Variants in FAT2 observed in about 807,000 individuals in gnomAD.
The protein encoded by FAT2 is protocadherin Fat 2.
Under a neutral mutation model 295.3 loss-of-function variants are expected in FAT2, and 150 were observed. That is an observed-to-expected ratio of 0.51 (90% confidence interval 0.44 to 0.58). The LOEUF (loss-of-function observed/expected upper bound fraction) is 0.58, where lower values mean the gene tolerates loss of function less well. Among genes scored for constraint, FAT2 ranks in the 20% least tolerant of loss-of-function variants. FAT2 has a pLI of 0.00. For synonymous variants in FAT2, 2,026 were observed against 2,150.3 expected (o/e 0.94, Z 1.60); for missense variants, 4,868 against 5,442.7 (o/e 0.89, Z 3.32).
In FAT2 at chr5:151,531,453, A is replaced by C; in HGVS notation, c.9811+134T>G. 8.1e-7 allele frequency: 1 copy of C among 1,228,284 alleles called. No homozygotes were observed. Among genetic ancestry groups the C allele is most frequent in the Non-Finnish European group, 1.1e-6 (1 of 889,978 alleles). 76.1% of individuals were successfully genotyped at this position (1,228,284 alleles called of 1,614,324 possible). ...CCTGGTACTCGGAGAGAAGCAGAAG[A>C]GAATGGAGAAACGACCAGAGGAGGT... On this transcript the variant is annotated intron_variant, in intron 14 of 23. Transcript: ENST00000261800. This position sits in a 1 kb window ranked among gnomAD's most constrained non-coding sequence, Gnocchi z 5.7.
chr5:151,561,607 T>C (rs28736662), intron 3 of FAT2, among the ~76,000 whole-genome samples: 6,850 of 152,212 alleles, frequency 0.045, 363 homozygotes, highest in African/African-American at 0.13. Context: ...CCCAAGCAGC[T>C]CTTAAACTCC....
chr5:151,534,340 G>A (rs1317924396), intron 13 of FAT2, 69 bp downstream of exon 13: 3 of 1,288,612 alleles, frequency 2.3e-6, no homozygotes, highest in Non-Finnish European at 3.2e-6. Flanking sequence ...AGACACAAAG[G>A]GGACCAAACC....
At chr5:151,551,399 G>T in intron 7 of FAT2, 68 bp downstream of exon 7, 2 of 1,559,274 alleles carry the variant, frequency 1.3e-6, no homozygotes, top group South Asian at 1.2e-5. Context: ...AACCTCTGTA[G>T]CCTCATCCCA....
intron 12 of FAT2, among the ~76,000 whole-genome samples, chr5:151,536,629 T>A (rs974137562): frequency 2.0e-5 from 3 of 152,198 alleles, no homozygotes; most frequent in African/African-American, 4.8e-5. Context: ...CCTGCAGGAA[T>A]CTCTGCTTCC....
chr5:151,566,416 A>C lies in FAT2; in HGVS notation c.2516T>G (p.Ile839Ser). ...AGCATCTTTGGTTGTCAGCTCTGCA[A>C]TTGTGGTTCCAACTTCTGTGTCCTC... The part of the protein sequence containing the change: ...ISEDTEVGTT[I>S]AELTTKDADS... Residue 839 changes from isoleucine to serine, a missense_variant, in exon 2 of 24, where the codon ATT (isoleucine) becomes AGT (serine). By Grantham distance (142) the Ile-to-Ser change is moderately radical. Around this residue, in one of 5 missense-constraint regions of FAT2, gnomAD observed 3,297 missense variants for 3,669.4 expected, o/e 0.90. Coordinates refer to ENST00000261800, the MANE Select transcript of FAT2 (RefSeq NM_001447.3). 6.2e-7 allele frequency: 1 copy of C among 1,613,690 alleles called. No homozygotes were observed. The highest frequency in any genetic ancestry group is 2.2e-5 in the East Asian group (1 of 44,870).
At position 151,567,453 on chromosome 5, in the gene FAT2, G is replaced by A. The variant is rs761761516; in HGVS notation, c.1479C>T (p.Val493=). 1.9e-5 allele frequency: 30 copies of A among 1,614,014 alleles called. No homozygotes were observed. Among genetic ancestry groups the A allele is most frequent in the Non-Finnish European group, 2.5e-5 (30 of 1,180,006 alleles). Residue 493 remains valine (V), a synonymous_variant, in exon 2 of 24, where the codon GTC becomes GTT. Coordinates refer to ENST00000261800, the MANE Select transcript of FAT2 (RefSeq NM_001447.3). Reference sequence around the variant, plus strand: ...CTTTTGGTCCAGCAATGGAATAGGTGACATATCCATTTTCCCCATGATCCC... The same window carrying A: ...CTTTTGGTCCAGCAATGGAATAGGTAACATATCCATTTTCCCCATGATCCC... ...TDRDHGENGY[V]TYSIAGPKAL...
In FAT2 at chr5:151,525,839, G is replaced by A. The variant is rs2127584190; in HGVS notation, c.10435C>T (p.Pro3479Ser). 2 of 1,613,974 alleles carry A rather than the reference G, an allele frequency of 1.2e-6. No individual in the cohort carries two copies. Among genetic ancestry groups the A allele is most frequent in the South Asian group, 2.2e-5 (2 of 91,074 alleles). The change falls in exon 18 of 24, where the codon CCG (proline) becomes TCG (serine). Residue 3479 changes from proline to serine, a missense_variant. Around this residue, in one of 5 missense-constraint regions of FAT2, gnomAD observed 1,046 missense variants for 1,210.1 expected, o/e 0.86. Coordinates refer to ENST00000261800, the MANE Select transcript of FAT2 (RefSeq NM_001447.3). ...TCAGCAGTCACCAGCCATCCATCCG[G>A]GGTCACTCGGAAGGCAGAGCCGTTG... ...GNNGSAFRVTPDGWLVTAEGL... is the reference protein window; with the variant it reads ...GNNGSAFRVTSDGWLVTAEGL...
rs566059090 is a variant in FAT2, at chr5:151,575,521, G to A, written c.-20-6570C>T. ...ACTCACCTCCTGGAGTTGTTGAGAA[G>A]GCTGAATGAGGTAAAGTACGGCAAA... On this transcript the variant is annotated intron_variant, in intron 1 of 23. Coordinates refer to ENST00000261800, the MANE Select transcript of FAT2 (RefSeq NM_001447.3). Among the ~76,000 whole-genome samples the A allele has an allele frequency of 4.6e-5, 7 of 152,322 alleles. No homozygotes were observed. The South Asian group carries it at 8.3e-4, about 18-fold the overall frequency.
chr5:151,506,130 T>TC, intron 23 of FAT2, 33 bp from the exon 24 acceptor site: 4 of 1,483,012 alleles, frequency 2.7e-6, no homozygotes, highest in South Asian at 2.8e-5. Context: ...GGTGAGCTCA[T>TC]TTTCTCCCCG....
chr5:151,519,808 C>G lies in FAT2; in HGVS notation c.11317+1468G>C, dbSNP rs192710560. Among the ~76,000 whole-genome samples, 314 of 152,158 alleles carry G rather than the reference C, an allele frequency of 2.1e-3. 1 individual carries two copies. The highest frequency in any genetic ancestry group is 6.8e-3 in the Middle Eastern group (2 of 294). On this transcript the variant is annotated intron_variant, in intron 19 of 23. Coordinates refer to ENST00000261800, the MANE Select transcript of FAT2 (RefSeq NM_001447.3). ...TGATTCTGGTGATCCATGAGTTTAT[C>G]TAGTATTTCTTCAATGCAAGCCCTT...
rs1422620066 is a variant in FAT2, at chr5:151,532,093, T to TG, written c.9428-124dup. 4.6e-6 allele frequency: 6 copies of TG among 1,313,250 alleles called. No homozygotes were observed. The Admixed American group carries it at 1.3e-4, about 29-fold the overall frequency. The allele number at this position is 1,313,250 out of a possible 1,614,324, so 81.3% of individuals were successfully genotyped here. A position where few individuals can be genotyped will look rare whatever the true frequency, so the allele number is the denominator to read the frequency against. On this transcript the variant is annotated intron_variant, in intron 13 of 23. Coordinates refer to ENST00000261800, the MANE Select transcript of FAT2 (RefSeq NM_001447.3). Reference sequence around the variant, plus strand: ...TCCCATGAAGGCGGACAAGCTGGCTTGGGTATATGAAGAGTGAGGGTCTCT... The same window carrying TG: ...TCCCATGAAGGCGGACAAGCTGGCTTGGGGTATATGAAGAGTGAGGGTCTCT...
rs765163298 is a variant in FAT2 at position 151,522,010 on chromosome 5, G to A, written c.10583C>T (p.Ala3528Val). 2 of 1,614,058 alleles carry A rather than the reference G, an allele frequency of 1.2e-6. No individual in the cohort carries two copies. The highest frequency in any genetic ancestry group is 1.1e-5 in the South Asian group (1 of 91,076). Residue 3528 changes from alanine to valine, a missense_variant, in exon 19 of 24, where the codon GCA (alanine) becomes GTA (valine). By Grantham distance (64) the Ala-to-Val change is moderately conservative. Transcript: ENST00000261800. ...GATCTCCAGTGGGAGAGCAGAAGGT[G>A]CATAGTGGCTCTGCTCTGTGACATG... The part of the protein sequence containing the change: ...RVHVTEQSHY[A>V]PSALPLEIFI...
chr5:151,561,249 G>C (rs532262486), intron 3 of FAT2, among the ~76,000 whole-genome samples: 87 of 152,348 alleles, frequency 5.7e-4, no homozygotes, highest in African/African-American at 2.0e-3. Context: ...AAAGTCCTGC[G>C]TGGAGGGGCC....
chr5:151,522,193 A>C, intron 18 of FAT2, 107 bp from the exon 19 acceptor site: 2 of 855,396 alleles, frequency 2.3e-6, no homozygotes, highest in Non-Finnish European at 3.5e-6. Flanking sequence ...CCCACGCCCA[A>C]CTTGAGGGCT....
chr5:151,543,326 CTT>C lies in FAT2; in HGVS notation c.7799_7800del (p.Lys2600ArgfsTer11). 1 of 1,614,178 alleles carries C rather than the reference CTT, an allele frequency of 6.2e-7. No individual in the cohort carries two copies. Among genetic ancestry groups the C allele is most frequent in the South Asian group, 1.1e-5 (1 of 91,086 alleles). ...YTVSIQSNVS[K>X]DSPVIQVLAY... is the part of the protein sequence containing the mutation. ...GCCAACACCTGGATAACCGGAGAGT[CTT>C]TACTGACATTGGATTGAATGGATAC... On this transcript the variant is annotated frameshift_variant, in exon 10 of 24. Transcript: ENST00000261800. LOFTEE classifies it high-confidence loss of function.
At position 151,591,282 on chromosome 5, in the gene FAT2, G is replaced by A. The variant is rs548096538; in HGVS notation, c.-138C>T. Reference sequence around the variant, plus strand: ...GTGCAGAGACTCGGAGCAGGAAGGCGCGCAGCCCGCAGCCGGAGAGGCTGC... The same window carrying A: ...GTGCAGAGACTCGGAGCAGGAAGGCACGCAGCCCGCAGCCGGAGAGGCTGC... On this transcript the variant is annotated 5_prime_UTR_variant, in exon 1 of 24. Transcript: ENST00000261800. Among the ~76,000 whole-genome samples, 4 of 152,220 alleles carry A rather than the reference G, an allele frequency of 2.6e-5. No individual in the cohort carries two copies. Among genetic ancestry groups the A allele is most frequent in the Non-Finnish European group, 2.9e-5 (2 of 68,040 alleles).
intron 20 of FAT2, among the ~76,000 whole-genome samples, chr5:151,513,162 A>C (rs1761454133): frequency 6.6e-6 from 1 of 152,246 alleles, no homozygotes; most frequent in South Asian, 2.1e-4. Context: ...TGCAGAAGTA[A>C]ATATGAGAAG....
intron 3 of FAT2, among the ~76,000 whole-genome samples, chr5:151,559,619 C>T (rs28406331): frequency 0.045 from 6,763 of 151,962 alleles, 362 homozygotes; most frequent in African/African-American, 0.13. Flanking sequence ...TCTTCTCCCC[C>T]TGTGCCTCTG....
In FAT2 at chr5:151,565,823, G is replaced by A; in HGVS notation, c.3109C>T (p.His1037Tyr). Residue 1037 changes from histidine to tyrosine, a missense_variant, in exon 2 of 24, where the codon CAC (histidine) becomes TAC (tyrosine). Around this residue, in one of 5 missense-constraint regions of FAT2, gnomAD observed 3,297 missense variants for 3,669.4 expected, o/e 0.90. Transcript: ENST00000261800. ...LHPPHFASFV[H>Y]QGQVQENSPS... is the part of the protein sequence containing the mutation. Reference sequence around the variant, plus strand: ...CTGTTCTCCTGCACCTGGCCCTGGTGCACGAAGGAGGCAAAGTGGGGAGGG... The same window carrying A: ...CTGTTCTCCTGCACCTGGCCCTGGTACACGAAGGAGGCAAAGTGGGGAGGG... 6.2e-7 allele frequency: 1 copy of A among 1,614,160 alleles called. No individual in the cohort carries two copies. The highest frequency in any genetic ancestry group is 8.5e-7 in the Non-Finnish European group (1 of 1,180,036).
Sources: gnomAD v4.1 joint callset for allele counts (sites outside exome capture counted in the v4.1 genomes callset) on GRCh38, gnomAD v4.1.1 for gene constraint, gnomAD v4.1.1 regional missense constraint, Gnocchi (gnomAD v3.1) non-coding constraint, MANE v1.5 for transcripts, NCBI Gene and HGNC (gene_info 2026-07-23, HGNC 2026-07-21) for gene names.